The following ADGRL2 variants were observed in gnomAD, a reference collection of about 807,000 sequenced individuals.
ADGRL2 encodes the protein calcium-independent alpha-latrotoxin receptor 2.
A neutral mutation model predicts 157.4 loss-of-function variants in ADGRL2; 44 were observed. That is an observed-to-expected ratio of 0.28 (90% confidence interval 0.22 to 0.36). The LOEUF (loss-of-function observed/expected upper bound fraction) is 0.36, where lower values mean the gene tolerates loss of function less well. Ranked by LOEUF, ADGRL2 falls within the 10% of genes least tolerant of loss-of-function variation. The pLI is 1.00. For missense variants in ADGRL2, 1,510 were observed against 1,768.9 expected (o/e 0.85, Z 2.63); for synonymous variants, 585 against 624.7 (o/e 0.94, Z 0.95).
intron 1 of ADGRL2, among the ~76,000 whole-genome samples, chr1:81,732,957 A>T (rs569647557): frequency 9.8e-5 from 15 of 152,366 alleles, no homozygotes; most frequent in Admixed American, 4.6e-4. Context: ...CTTAATCTAA[A>T]TCCTCTATGC....
chr1:81,858,848 C>T (rs2093296640), intron 2 of ADGRL2, among the ~76,000 whole-genome samples: 1 of 152,110 alleles, frequency 6.6e-6, no homozygotes, highest in Non-Finnish European at 1.5e-5. Context: ...ACTTAGAGTG[C>T]TTATTTCCTA....
At chr1:81,913,939 A>G (rs1456463062) in intron 3 of ADGRL2, among the ~76,000 whole-genome samples, 1 of 152,062 alleles carries the variant, frequency 6.6e-6, no homozygotes, top group Non-Finnish European at 1.5e-5. Context: ...CAAATATACT[A>G]ATAGATACTA....
chr1:81,469,649 C>A lies in ADGRL2; in HGVS notation c.-248+24560C>A, dbSNP rs555212235. 5.3e-5 allele frequency among the ~76,000 whole-genome samples: 8 copies of A among 152,268 alleles called. No individual in the cohort carries two copies. The East Asian group carries it at 1.5e-3, about 29-fold the overall frequency. On this transcript the variant is annotated intron_variant, in intron 2 of 24. Transcript: ENST00000370721. ...TATCTAAAAAAACCACAGGCGGGCT[C>A]TATTCCTTTCTTCAATCTTCATCCA...
chr1:81,595,519 G>A (rs1570595703), intron 3 of ADGRL2, among the ~76,000 whole-genome samples: 1 of 152,120 alleles, frequency 6.6e-6, no homozygotes. Context: ...ACCAAAGATC[G>A]TTATTTCAAC....
intron 3 of ADGRL2, among the ~76,000 whole-genome samples, chr1:81,685,121 C>G (rs1484511354): frequency 6.6e-6 from 1 of 152,006 alleles, no homozygotes; most frequent in African/African-American, 2.4e-5. Context: ...TATGCGAGCT[C>G]TTTTTTGGTT....
chr1:81,704,412 C>T (rs992840459), intron 1 of ADGRL2, among the ~76,000 whole-genome samples: 3 of 152,104 alleles, frequency 2.0e-5, no homozygotes, highest in Non-Finnish European at 4.4e-5. Flanking sequence ...CTGGGAGCGG[C>T]GGGCCTGGAT....
intron 1 of ADGRL2, among the ~76,000 whole-genome samples, chr1:81,739,862 G>A (rs1214917350): frequency 6.6e-6 from 1 of 152,162 alleles, no homozygotes; most frequent in African/African-American, 2.4e-5. Context: ...CCCACTAAAT[G>A]CCAATAGCAT....
At chr1:81,578,674 A>T (rs917692126) in intron 2 of ADGRL2, among the ~76,000 whole-genome samples, 7 of 152,094 alleles carry the variant, frequency 4.6e-5, no homozygotes, top group South Asian at 2.1e-4. Flanking sequence ...ATTTAAAAAA[A>T]TTTTTTTGAG....
intron 13 of ADGRL2, among the ~76,000 whole-genome samples, 198 bp from the exon 14 acceptor site, chr1:81,967,826 TAG>T (rs565442944): frequency 9.8e-5 from 15 of 152,328 alleles, no homozygotes; most frequent in African/African-American, 3.6e-4. Context: ...AAGTACACTT[TAG>T]AGTCTTTCGG....
chr1:81,798,521 A>C (rs1028399901), upstream of ADGRL2, among the ~76,000 whole-genome samples: 5 of 152,208 alleles, frequency 3.3e-5, no homozygotes, highest in Admixed American at 6.5e-5. Context: ...TGAACTCTAT[A>C]GAATACACAT....
At position 81,984,654 on chromosome 1, in the gene ADGRL2, C is replaced by G. The variant is rs777505441; in HGVS notation, c.3354C>G (p.His1118Gln). ...GAGGCCTCCCAACTGAGAGTCCCCA[C>G]AGTTCAGTGAAGGCATCAACCACCA... Reference protein sequence around the residue: ...CCGGLPTESPHSSVKASTTRT... With the variant: ...CCGGLPTESPQSSVKASTTRT... The change falls in exon 20 of 24, where the codon CAC (histidine) becomes CAG (glutamine). Residue 1118 changes from histidine to glutamine, a missense_variant. His to Gln is a conservative substitution (Grantham distance 24, BLOSUM62 0). This residue lies in a region of ADGRL2 where 497 missense variants were observed against 627.2 expected (regional missense o/e 0.79). Transcript: ENST00000686636. The G allele has an allele frequency of 6.2e-7, 1 of 1,612,860 alleles. No individual in the cohort carries two copies. The highest frequency in any genetic ancestry group is 8.5e-7 in the Non-Finnish European group (1 of 1,179,266).
At chr1:81,631,834 C>A (rs2082016211) in intron 3 of ADGRL2, among the ~76,000 whole-genome samples, 1 of 152,152 alleles carries the variant, frequency 6.6e-6, no homozygotes, top group Non-Finnish European at 1.5e-5. Flanking sequence ...AAATCACACA[C>A]TGGAGCATTT....
At chr1:81,623,685 G>A (rs1444093621) in intron 3 of ADGRL2, among the ~76,000 whole-genome samples, 1 of 131,914 alleles carries the variant, frequency 7.6e-6, no homozygotes, top group African/African-American at 2.9e-5. Flanking sequence ...CACCCAGGTT[G>A]GAGTGCAGTG....
At chr1:81,897,435 A>G (rs1469480425) in intron 2 of ADGRL2, among the ~76,000 whole-genome samples, 1 of 152,164 alleles carries the variant, frequency 6.6e-6, no homozygotes, top group African/African-American at 2.4e-5. Context: ...TAAGTTAAGT[A>G]TTAAACATAA....
At chr1:81,441,161 A>C (rs1458178790) in intron 1 of ADGRL2, among the ~76,000 whole-genome samples, 1 of 152,192 alleles carries the variant, frequency 6.6e-6, no homozygotes, top group Non-Finnish European at 1.5e-5. Flanking sequence ...GTTACTAGTA[A>C]ATTTAGTACT....
At chr1:81,767,807 G>A (rs1353195031) in intron 2 of ADGRL2, among the ~76,000 whole-genome samples, 1 of 146,076 alleles carries the variant, frequency 6.8e-6, no homozygotes, top group Non-Finnish European at 1.5e-5. Context: ...GCAGTGAGCT[G>A]TGATCATACC....
upstream of ADGRL2, among the ~76,000 whole-genome samples, chr1:81,699,453 G>C (rs183379597): frequency 6.6e-6 from 1 of 152,154 alleles, no homozygotes; most frequent in Non-Finnish European, 1.5e-5. Context: ...TCAGTTAGTC[G>C]GGCCCAGTGC....
intron 1 of ADGRL2, among the ~76,000 whole-genome samples, chr1:81,312,265 A>T (rs1659805797): frequency 6.6e-6 from 1 of 152,356 alleles, no homozygotes. Flanking sequence ...TTGCAAATCC[A>T]GTTTTACCCG....
At chr1:81,415,571 C>A (rs148886856) in intron 1 of ADGRL2, among the ~76,000 whole-genome samples, 3 of 152,268 alleles carry the variant, frequency 2.0e-5, no homozygotes, top group Non-Finnish European at 2.9e-5. Flanking sequence ...TGAGTACATG[C>A]TTTTAAGTTT....
Sources: allele counts gnomAD v4.1 joint callset (sites outside exome capture counted in the v4.1 genomes callset), GRCh38; gene constraint gnomAD v4.1.1; regional missense constraint gnomAD v4.1.1; transcripts MANE v1.5; gene names NCBI Gene and HGNC (gene_info 2026-07-23, HGNC 2026-07-21).